Variants in GPC6 observed in about 807,000 individuals in gnomAD.
GPC6 encodes glypican-6.
Under a neutral mutation model 55.2 loss-of-function variants are expected in GPC6, and 14 were observed. The observed-to-expected ratio is 0.25, with a 90% CI of 0.17 to 0.40. The LOEUF (loss-of-function observed/expected upper bound fraction) is 0.40, where lower values mean the gene tolerates loss of function less well. Among genes scored for constraint, GPC6 ranks in the 10% least tolerant of loss-of-function variants. GPC6 has a pLI of 1.00. For missense variants in GPC6, 641 were observed against 708.5 expected, an observed-to-expected ratio of 0.90 and a Z score of 1.08; for synonymous variants, 278 against 259.6, an observed-to-expected ratio of 1.07 and a Z score of -0.68.
At chr13:93,805,720 C>A (rs940209294) in intron 2 of GPC6, among the ~76,000 whole-genome samples, 4 of 152,138 alleles carry the variant, frequency 2.6e-5, no homozygotes, top group Admixed American at 1.3e-4. Context: ...TGTTGATCAT[C>A]CCCTCCAATC....
intron 2 of GPC6, among the ~76,000 whole-genome samples, chr13:93,582,133 G>T (rs1245152925): frequency 2.0e-5 from 3 of 152,304 alleles, no homozygotes; most frequent in Non-Finnish European, 4.4e-5. Flanking sequence ...TCCCTTAGAA[G>T]AACTCTCCTT....
At chr13:93,907,482 C>G (rs772019895) in intron 3 of GPC6, among the ~76,000 whole-genome samples, 3 of 152,080 alleles carry the variant, frequency 2.0e-5, no homozygotes, top group Non-Finnish European at 4.4e-5. Flanking sequence ...TCCTTAATCA[C>G]TTATTTTTAA....
intron 1 of GPC6, among the ~76,000 whole-genome samples, chr13:93,517,782 C>A (rs891912024): frequency 3.9e-5 from 6 of 151,914 alleles, no homozygotes; most frequent in Non-Finnish European, 5.9e-5. Context: ...GAATACAAAT[C>A]TTTCTTTGGG....
chr13:93,623,723 G>C (rs750051842), intron 2 of GPC6, among the ~76,000 whole-genome samples: 3 of 152,124 alleles, frequency 2.0e-5, no homozygotes, highest in Non-Finnish European at 4.4e-5. Context: ...CTCTCAAAAT[G>C]CTGGGATTAC....
chr13:93,584,823 G>A (rs1023191402), intron 2 of GPC6, among the ~76,000 whole-genome samples: 4 of 150,970 alleles, frequency 2.6e-5, no homozygotes, highest in African/African-American at 9.8e-5. Context: ...AAAGTAGCTG[G>A]GCCTATAGGC....
intron 3 of GPC6, among the ~76,000 whole-genome samples, chr13:93,875,553 G>A (rs1472143537): frequency 1.3e-5 from 2 of 152,012 alleles, no homozygotes; most frequent in African/African-American, 4.8e-5. Context: ...GGTAAGATGC[G>A]TCAGGTCCCT....
At chr13:93,683,620 C>T (rs1211927105) in intron 2 of GPC6, among the ~76,000 whole-genome samples, 1 of 152,002 alleles carries the variant, frequency 6.6e-6, no homozygotes, top group Non-Finnish European at 1.5e-5. Context: ...TTATATTTTG[C>T]CTGAAGTACA....
chr13:93,584,684 G>GTTTTTTT lies in GPC6; in HGVS notation c.319+39281_319+39287dup, dbSNP rs779571682. On this transcript the variant is annotated intron_variant, in intron 2 of 8. Transcript: ENST00000377047. ...CACGTTACCATGTTACCTTCTGAAAGTTTTTTTTTTTTTTTTTTTTTTTTG... is the reference window on the plus strand; with the variant it reads ...CACGTTACCATGTTACCTTCTGAAAGTTTTTTTTTTTTTTTTTTTTTTTTTTTTTTTG... Among the ~76,000 whole-genome samples the GTTTTTTT allele has an allele frequency of 2.3e-4, 22 of 95,564 alleles. 1 individual carries two copies. Among genetic ancestry groups the GTTTTTTT allele is most frequent in the Admixed American group, 3.7e-4 (3 of 8,178 alleles). 62.7% of individuals were successfully genotyped at this position (95,564 alleles called of 152,430 possible). A position where few individuals can be genotyped will look rare whatever the true frequency, so the allele number is the denominator to read the frequency against.
intron 3 of GPC6, among the ~76,000 whole-genome samples, chr13:93,851,397 A>G (rs1888390818): frequency 6.6e-6 from 1 of 151,894 alleles, no homozygotes; most frequent in Non-Finnish European, 1.5e-5. Flanking sequence ...TTTGATTGGC[A>G]TGTGTATCCT....
intron 4 of GPC6, among the ~76,000 whole-genome samples, chr13:94,258,898 T>G (rs908310212): frequency 6.6e-6 from 1 of 152,166 alleles, no homozygotes; most frequent in Admixed American, 6.5e-5. Flanking sequence ...TGATTGTTGC[T>G]TCTCAAGGCA....
At chr13:93,990,741 T>G (rs1248746142) in intron 3 of GPC6, among the ~76,000 whole-genome samples, 3 of 151,668 alleles carry the variant, frequency 2.0e-5, no homozygotes, top group Non-Finnish European at 4.4e-5. Flanking sequence ...GGTGCATGCC[T>G]GTTCCTAGCT....
At chr13:94,351,579 T>A (rs1347090415) in intron 6 of GPC6, among the ~76,000 whole-genome samples, 2 of 152,044 alleles carry the variant, frequency 1.3e-5, no homozygotes, top group East Asian at 3.9e-4. Context: ...TTCCTTATTC[T>A]CATAAACTAA....
At position 93,494,052 on chromosome 13, in the gene GPC6, C is replaced by A. The variant is rs1205345588; in HGVS notation, c.161-51211C>A. On this transcript the variant is annotated intron_variant, in intron 1 of 8. Coordinates refer to ENST00000377047, the MANE Select transcript of GPC6 (RefSeq NM_005708.5). ...TGTCTATTAGGTCCGCTTGGTGCAG[C>A]GCTGAGTTCAATTCCTGGGTATCCT... Among the ~76,000 whole-genome samples the A allele has an allele frequency of 8.6e-4, 109 of 127,040 alleles. 2 individuals carry two copies. Among genetic ancestry groups the A allele is most frequent in the African/African-American group, 2.7e-3 (90 of 33,834 alleles). The allele number at this position is 127,040 out of a possible 152,430, so 83.3% of individuals were successfully genotyped here.
chr13:93,250,452 C>T (rs1286333356), intron 1 of GPC6, among the ~76,000 whole-genome samples: 1 of 152,154 alleles, frequency 6.6e-6, no homozygotes, highest in Non-Finnish European at 1.5e-5. Context: ...CTTTGGTATT[C>T]ACCCTCACAT....
intron 2 of GPC6, among the ~76,000 whole-genome samples, chr13:93,724,094 T>A (rs1169263621): frequency 6.6e-6 from 1 of 152,008 alleles, no homozygotes; most frequent in African/African-American, 2.4e-5. Flanking sequence ...ATGGCTATTT[T>A]TTTTTTACTA....
At chr13:93,256,169 CAAAAAAA>C (rs1230331244) in intron 1 of GPC6, among the ~76,000 whole-genome samples, 1 of 55,128 alleles carries the variant, frequency 1.8e-5, no homozygotes, top group African/African-American at 6.8e-5. Context: ...GACTCCATCT[CAAAAAAA>C]AAAAAAAAAA....
chr13:93,395,232 C>A, intron 1 of GPC6: 1 of 404,398 alleles, frequency 2.5e-6, no homozygotes, highest in South Asian at 2.6e-5. Context: ...TTGTCATTCC[C>A]ACCAGAACCA....
chr13:93,444,765 CA>C (rs1877939814), intron 1 of GPC6, among the ~76,000 whole-genome samples: 1 of 152,200 alleles, frequency 6.6e-6, no homozygotes, highest in Non-Finnish European at 1.5e-5. Flanking sequence ...GTGGTTCTGA[CA>C]GCCAACATAA....
intron 4 of GPC6, among the ~76,000 whole-genome samples, chr13:94,116,491 A>G (rs1211006014): frequency 6.6e-6 from 1 of 152,118 alleles, no homozygotes; most frequent in African/African-American, 2.4e-5. Context: ...ATTCACATGC[A>G]TAAAAGGTGG....
Sources: allele counts gnomAD v4.1 joint callset (sites outside exome capture counted in the v4.1 genomes callset), GRCh38; gene constraint gnomAD v4.1.1; transcripts MANE v1.5; gene names NCBI Gene and HGNC (gene_info 2026-07-23, HGNC 2026-07-21).